Variants in RTN2 observed in about 807,000 individuals in gnomAD.
RTN2 encodes the protein reticulon-2.
In RTN2, 36 loss-of-function variants were observed where a neutral mutation model predicts 63.7. The ratio of observed to expected loss-of-function variants is 0.56; its 90% CI spans 0.43 to 0.75. The LOEUF is 0.75. Ranked by LOEUF, RTN2 falls within the 30% of genes least tolerant of loss-of-function variation. The probability of loss-of-function intolerance (pLI) is 0.00; values close to 1 mark genes in which losing one functional copy is unlikely to be tolerated. For missense variants in RTN2, 673 were observed against 705.1 expected (o/e 0.95, Z 0.52); for synonymous variants, 312 against 313.0 (o/e 1.00, Z 0.03).
At chr19:45,493,054 G>A in intron 5 of RTN2, 106 bp downstream of exon 5, 1 of 1,132,848 alleles carries the variant, frequency 8.8e-7, no homozygotes, top group South Asian at 1.2e-5. Flanking sequence ...CAGCGCTGCG[G>A]AAGCAGATCA....
chr19:45,495,572 G>A (rs1004266225), intron 1 of RTN2, among the ~76,000 whole-genome samples: 1 of 152,208 alleles, frequency 6.6e-6, no homozygotes, highest in Non-Finnish European at 1.5e-5. Flanking sequence ...AGAAGGGTAG[G>A]GGAAGAGAAA....
intron 6 of RTN2, 159 bp from the exon 7 acceptor site, chr19:45,489,145 G>A: frequency 1.1e-6 from 1 of 911,838 alleles, no homozygotes; most frequent in East Asian, 2.6e-5. Flanking sequence ...TGGGGTCAGG[G>A]TCAGGGTCAG....
Position 45,496,956 on chromosome 19 carries a change from T to G in RTN2, c.-131A>C. Reference sequence around the variant, plus strand: ...TTCTCGCCGCCTCCTCCTCCCGGGCTGCTCCAGCCGCCGCCGCCGCCGCCG... The same window carrying G: ...TTCTCGCCGCCTCCTCCTCCCGGGCGGCTCCAGCCGCCGCCGCCGCCGCCG... On this transcript the variant is annotated 5_prime_UTR_variant, in exon 1 of 11. Transcript: ENST00000245923. The G allele has an allele frequency of 6.8e-6, 3 of 441,664 alleles. No individual in the cohort carries two copies. Among genetic ancestry groups the G allele is most frequent in the Non-Finnish European group, 1.1e-5 (3 of 283,594 alleles). 27.4% of individuals were successfully genotyped at this position (441,664 alleles called of 1,614,324 possible).
intron 7 of RTN2, 38 bp downstream of exon 7, chr19:45,488,810 A>G (rs200588724): frequency 6.3e-7 from 1 of 1,597,028 alleles, no homozygotes; most frequent in Non-Finnish European, 8.5e-7. Flanking sequence ...GCAGAGGTGA[A>G]TGGGGGAACC....
rs772248018 is a variant in RTN2 at position 45,494,559 on chromosome 19, G to A, written c.526C>T (p.Pro176Ser). The A allele has an allele frequency of 6.2e-7, 1 of 1,614,096 alleles. No homozygotes were observed. The highest frequency in any genetic ancestry group is 1.7e-5 in the Admixed American group (1 of 60,022). ...GCTTCTCCTGTCTCCAATCTGTTGG[G>A]TTCTTGGGGTTCTTCGTCTTCCAGC... ...TPLEDEEPQE[P>S]NRLETGEAGE... The change falls in exon 3 of 11, where the codon CCC (proline) becomes TCC (serine). Residue 176 changes from proline (P) to serine (S), a missense_variant. Coordinates refer to ENST00000245923, the MANE Select transcript of RTN2 (RefSeq NM_005619.5). The surrounding 1 kb of genome is among the most constrained non-coding windows in gnomAD (Gnocchi z 5.3).
chr19:45,496,033 G>A (rs1968261683), intron 1 of RTN2, among the ~76,000 whole-genome samples: 1 of 152,144 alleles, frequency 6.6e-6, no homozygotes, highest in African/African-American at 2.4e-5. Context: ...CCATGTGTGG[G>A]ACAGAGAACG....
At position 45,489,423 on chromosome 19, in the gene RTN2, G is replaced by C. The variant is rs778762660; in HGVS notation, c.1164C>G (p.Leu388=). The C allele has an allele frequency of 6.2e-7, 1 of 1,609,080 alleles. No individual in the cohort carries two copies. Among genetic ancestry groups the C allele is most frequent in the Non-Finnish European group, 8.5e-7 (1 of 1,177,982 alleles). Residue 388 remains leucine, a synonymous_variant, in exon 6 of 11, where the codon CTC becomes CTG. Transcript: ENST00000245923. The stretch of plus-strand genomic sequence containing the variant: ...AAACCCTGAGAGAGATGGTGCCGCA[G>C]AGCAGCAACAGAGCCAAGTGCGCGG... ...SVAAHLALLL[L]CGTISLRVYR...
rs1179732772 is a variant in RTN2 at position 45,494,657 on chromosome 19, C to G, written c.428G>C (p.Arg143Pro). The G allele has an allele frequency of 6.2e-7, 1 of 1,613,864 alleles. No individual in the cohort carries two copies. The highest frequency in any genetic ancestry group is 2.2e-5 in the East Asian group (1 of 44,878). Residue 143 changes from arginine to proline, a missense_variant, in exon 3 of 11, where the codon CGG (arginine) becomes CCG (proline). Transcript: ENST00000245923. This position sits in a 1 kb window ranked among gnomAD's most constrained non-coding sequence, Gnocchi z 5.3. ...SERPLEDLRL[R>P]LDHLGWVARG... ...GGCCACCCAGCCCAGATGGTCCAAC[C>G]GAAGCCTCAGGTCTTCCAGAGGGCG...
At position 45,494,185 on chromosome 19, in the gene RTN2, C is replaced by T. The variant is rs770846967; in HGVS notation, c.795G>A (p.Thr265=). 2.9e-5 allele frequency: 47 copies of T among 1,603,744 alleles called. 1 individual carries two copies. The Admixed American group carries it at 5.3e-4, about 18-fold the overall frequency. ...GCTTACCTAGAAGGCGTGGCTCCACCGTGAATTCTAATTGGTCCGTGCTAT... is the reference window on the plus strand; with the variant it reads ...GCTTACCTAGAAGGCGTGGCTCCACTGTGAATTCTAATTGGTCCGTGCTAT... ...CLDSTDQLEF[T]VEPRLLGTAM... is the part of the protein sequence containing the mutation. The change falls in exon 4 of 11, where the codon ACG becomes ACA. Residue 265 remains threonine, a synonymous_variant. Coordinates refer to ENST00000245923, the MANE Select transcript of RTN2 (RefSeq NM_005619.5). This position sits in a 1 kb window ranked among gnomAD's most constrained non-coding sequence, Gnocchi z 5.3.
chr19:45,487,519 G>A (rs755118927), intron 9 of RTN2, among the ~76,000 whole-genome samples: 2 of 151,040 alleles, frequency 1.3e-5, no homozygotes, highest in Non-Finnish European at 2.9e-5. Context: ...GCTAATGTCA[G>A]TCTTGTGGGC....
Position 45,489,364 on chromosome 19 carries a change from T to TC in RTN2, c.1222dup (p.Asp408GlyfsTer112). 1 of 1,568,770 alleles carries TC rather than the reference T, an allele frequency of 6.4e-7. No homozygotes were observed. The highest frequency in any genetic ancestry group is 1.2e-5 in the South Asian group (1 of 85,210). ...TTCTCACTGGAAAGGGTTGGCTCCA[T>TC]CCCCCCGGTGCACGGCCTGCAGCAC... On this transcript the variant is annotated frameshift_variant, in exon 6 of 11. Transcript: ENST00000245923. LOFTEE classifies it high-confidence loss of function.
rs751265544 is a variant in RTN2, at chr19:45,493,256, G to T, written c.937C>A (p.Pro313Thr). Residue 313 changes from proline to threonine, a missense_variant, in exon 5 of 11, where the codon CCT becomes ACT. Physicochemically the swap from Pro to Thr is conservative, Grantham distance 38 (BLOSUM62 -1). Coordinates refer to ENST00000245923, the MANE Select transcript of RTN2 (RefSeq NM_005619.5). ...AGTAGAACCCGGAGGACAGGAGTAG[G>T]GGGGGTGGGGCCCCTTTGGACCCAG... ...IGWVQRGPTP[P>T]TPVLRVLLKW... 7.4e-5 allele frequency: 120 copies of T among 1,613,626 alleles called. No individual in the cohort carries two copies. The highest frequency in any genetic ancestry group is 9.5e-5 in the Non-Finnish European group (112 of 1,179,950).
chr19:45,486,409 G>C (rs1460223844), intron 9 of RTN2, among the ~76,000 whole-genome samples: 7 of 152,356 alleles, frequency 4.6e-5, no homozygotes, highest in Admixed American at 4.6e-4. Context: ...TTGCATACGT[G>C]TGTGTTGTGG....
At chr19:45,486,299 G>C (rs1186156083) in intron 9 of RTN2, among the ~76,000 whole-genome samples, 186 bp from the exon 10 acceptor site, 3 of 152,170 alleles carry the variant, frequency 2.0e-5, no homozygotes, top group Non-Finnish European at 2.9e-5. Context: ...GGGTCAGTGA[G>C]TTGGGCCATA....
intron 9 of RTN2, among the ~76,000 whole-genome samples, chr19:45,486,826 C>T (rs1338099977): frequency 2.0e-5 from 3 of 149,788 alleles, no homozygotes; most frequent in African/African-American, 7.4e-5. Context: ...CCACTGCCTC[C>T]CGGGTTCAAG....
At position 45,489,338 on chromosome 19, in the gene RTN2, G is replaced by T; in HGVS notation, c.1241+8C>A. 1 of 1,555,478 alleles carries T rather than the reference G, an allele frequency of 6.4e-7. No homozygotes were observed. Among genetic ancestry groups the T allele is most frequent in the Non-Finnish European group, 8.7e-7 (1 of 1,149,844 alleles). On this transcript the variant is annotated splice_region_variant and intron_variant, in intron 6 of 10. Coordinates refer to ENST00000245923, the MANE Select transcript of RTN2 (RefSeq NM_005619.5). ...CAGGGGCTCAGGTCAGGGGCCGGGG[G>T]TTCTCACTGGAAAGGGTTGGCTCCA...
In RTN2 at chr19:45,486,106, A is replaced by G. The variant is rs998831274; in HGVS notation, c.1505T>C (p.Ile502Thr). 1 of 1,613,966 alleles carries G rather than the reference A, an allele frequency of 6.2e-7. No homozygotes were observed. Among genetic ancestry groups the G allele is most frequent in the Admixed American group, 1.7e-5 (1 of 59,992 alleles). ...PLLYRQHQAQ[I>T]DQYVGLVTNQ... The stretch of plus-strand genomic sequence containing the variant: ...GGTCACCAACCCCACATATTGGTCG[A>G]TCTGAGCCTGGGGAGACCAAAGAAA... Residue 502 changes from isoleucine (I) to threonine (T), a missense_variant, in exon 10 of 11, where the codon ATC (isoleucine) becomes ACC (threonine). Transcript: ENST00000245923.
Position 45,495,002 on chromosome 19 carries a change from C to T in RTN2, c.83G>A (p.Gly28Glu), listed in dbSNP as rs888730141. 2 of 1,613,284 alleles carry T rather than the reference C, an allele frequency of 1.2e-6. No homozygotes were observed. The highest frequency in any genetic ancestry group is 1.3e-5 in the African/African-American group (1 of 74,898). Reference sequence around the variant, plus strand: ...CTCTCGAAAATCAGAGTCGTCGTTCCCTCCTGCAGTGGGTGAAGGAGAGCC... The same window carrying T: ...CTCTCGAAAATCAGAGTCGTCGTTCTCTCCTGCAGTGGGTGAAGGAGAGCC... The part of the protein sequence containing the change: ...ASSTPDSTEG[G>E]NDDSDFRELH... Residue 28 changes from glycine (G) to glutamate (E), a missense_variant, in exon 3 of 11, where the codon GGG becomes GAG. Physicochemically the swap from Gly to Glu is moderately conservative, Grantham distance 98 (BLOSUM62 -2). Coordinates refer to ENST00000245923, the MANE Select transcript of RTN2 (RefSeq NM_005619.5).
intron 5 of RTN2, 121 bp downstream of exon 5, chr19:45,493,039 G>T: frequency 9.6e-7 from 1 of 1,039,726 alleles, no homozygotes; most frequent in Non-Finnish European, 1.5e-6. Context: ...CCTAGCCCCA[G>T]CCTGCAGCGC....
Sources: allele counts gnomAD v4.1 joint callset (sites outside exome capture counted in the v4.1 genomes callset), GRCh38; gene constraint gnomAD v4.1.1; non-coding constraint Gnocchi (gnomAD v3.1); transcripts MANE v1.5; gene names NCBI Gene and HGNC (gene_info 2026-07-23, HGNC 2026-07-21).